PXYLP1: variants seen among roughly 807,000 people sequenced by gnomAD.
PXYLP1 encodes 2-phosphoxylose phosphatase 1.
PXYLP1 carries 17 observed loss-of-function variants against 37.9 expected under a neutral mutation model. The observed-to-expected ratio is 0.45, with a 90% confidence interval of 0.31 to 0.67. The LOEUF is 0.67. Among genes scored for constraint, PXYLP1 ranks in the 30% least tolerant of loss-of-function variants. The pLI, the probability that PXYLP1 is intolerant of heterozygous loss-of-function variation, is 0.07. For synonymous variants in PXYLP1, 221 were observed against 232.2 expected (o/e 0.95, Z 0.44); for missense variants, 511 against 612.0 (o/e 0.84, Z 1.74).
intron 5 of PXYLP1, among the ~76,000 whole-genome samples, chr3:141,287,888 G>T (rs1175568740): frequency 2.6e-5 from 4 of 152,170 alleles, no homozygotes; most frequent in African/African-American, 4.8e-5. Context: ...CATCATTTAT[G>T]ATAGCGCCAT....
chr3:141,289,516 C>T (rs779006749), intron 5 of PXYLP1, among the ~76,000 whole-genome samples: 1 of 152,050 alleles, frequency 6.6e-6, no homozygotes, highest in East Asian at 1.9e-4. Flanking sequence ...TGCTTAGATT[C>T]TCTGGTTAAA....
At chr3:141,288,231 A>C (rs1454640904) in intron 5 of PXYLP1, among the ~76,000 whole-genome samples, 1 of 152,252 alleles carries the variant, frequency 6.6e-6, no homozygotes, top group African/African-American at 2.4e-5. Context: ...GGAACCTCAG[A>C]GGACCTTTGC....
intron 1 of PXYLP1, among the ~76,000 whole-genome samples, chr3:141,254,993 A>G (rs1941233029): frequency 6.6e-6 from 1 of 152,258 alleles, no homozygotes; most frequent in South Asian, 2.1e-4. Context: ...AAATAGGCCA[A>G]GGCTTGGGCC....
Position 141,233,839 on chromosome 3 carries a change from C to T in PXYLP1, c.-54+1928C>T, listed in dbSNP as rs376651503. Among the ~76,000 whole-genome samples the T allele has an allele frequency of 8.8e-4, 134 of 152,302 alleles. 6 individuals are homozygous for T. The South Asian group carries it at 0.025, about 29-fold the overall frequency. On this transcript the variant is annotated intron_variant, in intron 1 of 5. Transcript: ENST00000286353. ...ACTTCACTATTGATTAGATAAGTAG[C>T]CCAAGGACATACTGGGGCTCAGTAG...
intron 5 of PXYLP1, among the ~76,000 whole-genome samples, chr3:141,289,764 C>G (rs979118685): frequency 6.6e-6 from 1 of 152,066 alleles, no homozygotes; most frequent in East Asian, 1.9e-4. Context: ...AGGGAGAATC[C>G]TTGAGGTCCT....
At position 141,292,928 on chromosome 3, in the gene PXYLP1, T is replaced by C; in HGVS notation, c.1166T>C (p.Leu389Ser). 1 of 1,614,180 alleles carries C rather than the reference T, an allele frequency of 6.2e-7. No individual in the cohort carries two copies. Among genetic ancestry groups the C allele is most frequent in the Non-Finnish European group, 8.5e-7 (1 of 1,180,028 alleles). ...DVTLSPVLSA[L>S]GLSEARFPRF... is the part of the protein sequence containing the mutation. ...ACTCTGTCACCAGTTCTCAGTGCCTTGGGCCTTTCAGAAGCCAGGTTCCCA... is the reference window on the plus strand; with the variant it reads ...ACTCTGTCACCAGTTCTCAGTGCCTCGGGCCTTTCAGAAGCCAGGTTCCCA... Residue 389 changes from leucine to serine, a missense_variant, in exon 6 of 6, where the codon TTG (leucine) becomes TCG (serine). Transcript: ENST00000286353. This position sits in a 1 kb window ranked among gnomAD's most constrained non-coding sequence, Gnocchi z 4.3.
At chr3:141,274,265 G>C (rs370944882) in intron 2 of PXYLP1, 2 of 1,290,606 alleles carry the variant, frequency 1.5e-6, no homozygotes, top group Non-Finnish European at 2.0e-6. Flanking sequence ...CCTGCAGCCC[G>C]GGGTCTGCTC....
At chr3:141,261,692 T>C (rs1349097247) in intron 2 of PXYLP1, among the ~76,000 whole-genome samples, 1 of 152,206 alleles carries the variant, frequency 6.6e-6, no homozygotes, top group Non-Finnish European at 1.5e-5. Context: ...TTCTACCAGA[T>C]TGTCTGCTCG....
chr3:141,285,563 G>A (rs905957999), intron 4 of PXYLP1, among the ~76,000 whole-genome samples: 6 of 152,262 alleles, frequency 3.9e-5, no homozygotes, highest in Admixed American at 1.3e-4. Context: ...AATGAATGCA[G>A]TTAGATATCA....
In PXYLP1 at chr3:141,282,150, G is replaced by A. The variant is rs145614366; in HGVS notation, c.365+2646G>A. Among the ~76,000 whole-genome samples, 776 of 152,064 alleles carry A rather than the reference G, an allele frequency of 5.1e-3. 5 individuals are homozygous for A. The highest frequency in any genetic ancestry group is 0.017 in the African/African-American group (725 of 41,456). ...AGTGCCCTTCCTCCACCCCTAACCC[G>A]CCTGACCTTGCCCTCCACTCTCCTC... On this transcript the variant is annotated intron_variant, in intron 4 of 5. Coordinates refer to ENST00000286353, the MANE Select transcript of PXYLP1 (RefSeq NM_001037172.3).
Position 141,278,442 on chromosome 3 carries a change from C to T in PXYLP1, c.180C>T (p.Pro60=), listed in dbSNP as rs754497831. ...TGACGGAGCCCCCTGTGACAGACCC[C>T]GTTTATGAAGCTCTTTTGTACTGCA... is the stretch of plus-strand genomic sequence containing the variant. ...DPVTEPPVTD[P]VYEALLYCNI... is the part of the protein sequence containing the mutation. Residue 60 remains proline (P), a synonymous_variant, in exon 3 of 6, where the codon CCC becomes CCT. Transcript: ENST00000286353. 8 of 1,614,088 alleles carry T rather than the reference C, an allele frequency of 5.0e-6. No homozygotes were observed. The highest frequency in any genetic ancestry group is 1.7e-5 in the Admixed American group (1 of 60,006).
intron 4 of PXYLP1, among the ~76,000 whole-genome samples, chr3:141,280,828 A>G (rs1941935516): frequency 6.6e-6 from 1 of 152,182 alleles, no homozygotes; most frequent in South Asian, 2.1e-4. Context: ...TAGTCTAGTG[A>G]AACGGAATAC....
chr3:141,243,778 T>A (rs1243175150), intron 1 of PXYLP1, among the ~76,000 whole-genome samples: 2 of 152,376 alleles, frequency 1.3e-5, no homozygotes, highest in South Asian at 4.1e-4. Flanking sequence ...CCTCCACTGC[T>A]ACCTGAATTC....
chr3:141,289,276 C>CACAAAAA (rs1553755385), intron 5 of PXYLP1, among the ~76,000 whole-genome samples: 39 of 151,520 alleles, frequency 2.6e-4, no homozygotes, highest in African/African-American at 9.5e-4. Context: ...GTTCTAGACA[C>CACAAAAA]AAAAACAGAA....
intron 5 of PXYLP1, among the ~76,000 whole-genome samples, chr3:141,289,078 C>A (rs556932977): frequency 6.6e-5 from 10 of 152,296 alleles, no homozygotes; most frequent in African/African-American, 1.9e-4. Flanking sequence ...AATGCTTGTA[C>A]CTAAATGTGA....
chr3:141,246,101 G>C (rs1940930836), intron 1 of PXYLP1, among the ~76,000 whole-genome samples: 1 of 152,176 alleles, frequency 6.6e-6, no homozygotes. Context: ...AGGATGACCT[G>C]GGTGTAATGG....
intron 1 of PXYLP1, among the ~76,000 whole-genome samples, chr3:141,257,831 G>A (rs1484105695): frequency 1.3e-5 from 2 of 150,634 alleles, no homozygotes; most frequent in Admixed American, 6.6e-5. Context: ...TTGAACCCAG[G>A]AGGCTGAGGT....
rs1559881794 is a variant in PXYLP1 at position 141,248,714 on chromosome 3, CACACGTATATACACACACGTGTATATAT to C, written c.-53-11404_-53-11377del. ...GTATATACACACACGTGTATATATA[CACACGTATATACACACACGTGTATATAT>C]ACACACGTATATATATACACACACG... On this transcript the variant is annotated intron_variant, in intron 1 of 5. Transcript: ENST00000286353. Among the ~76,000 whole-genome samples the C allele has an allele frequency of 8.3e-4, 47 of 56,904 alleles. 1 individual carries two copies. Among genetic ancestry groups the C allele is most frequent in the East Asian group, 3.6e-3 (6 of 1,666 alleles). The allele number at this position is 56,904 out of a possible 152,430, so 37.3% of individuals were successfully genotyped here. A position where few individuals can be genotyped will look rare whatever the true frequency, so the allele number is the denominator to read the frequency against.
Position 141,292,560 on chromosome 3 carries a change from GA to G in PXYLP1, c.803del (p.Asn268ThrfsTer28), listed in dbSNP as rs1310239177. On this transcript the variant is annotated frameshift_variant, in exon 6 of 6. Transcript: ENST00000286353. LOFTEE classifies it high-confidence loss of function. The surrounding 1 kb of genome is among the most constrained non-coding windows in gnomAD (Gnocchi z 4.3). The part of the protein sequence containing the change: ...EQRRQYLLRL[K>X]NSQLEKTYGE... ...AGCGTCGTCAGTACCTCCTACGTTT[GA>G]AAAACAGCCAGCTGGAGAAGACCTA... The G allele has an allele frequency of 3.5e-5, 56 of 1,614,038 alleles. No homozygotes were observed. Among genetic ancestry groups the G allele is most frequent in the Non-Finnish European group, 4.5e-5 (53 of 1,180,042 alleles).
Sources: allele counts gnomAD v4.1 joint callset (sites outside exome capture counted in the v4.1 genomes callset), GRCh38; gene constraint gnomAD v4.1.1; non-coding constraint Gnocchi (gnomAD v3.1); transcripts MANE v1.5; gene names NCBI Gene and HGNC (gene_info 2026-07-23, HGNC 2026-07-21).